The following BBOF1 variants were observed in gnomAD, a reference collection of about 807,000 sequenced individuals.
BBOF1 encodes the protein basal body orientation factor 1, also known as basal body-orientation factor 1.
In BBOF1, 62 loss-of-function variants were observed where a neutral mutation model predicts 68.0. The observed-to-expected ratio is 0.91, with a 90% CI of 0.74 to 1.13. BBOF1 has a LOEUF of 1.13. Ranked by LOEUF, BBOF1 falls within the 50% of genes most tolerant of loss-of-function variation. The probability of loss-of-function intolerance (pLI) is 0.00; values close to 1 mark genes in which losing one functional copy is unlikely to be tolerated. For synonymous variants in BBOF1, 208 were observed against 198.8 expected, an observed-to-expected ratio of 1.05 and a Z score of -0.39; for missense variants, 534 against 600.1, an observed-to-expected ratio of 0.89 and a Z score of 1.15.
At position 74,019,546 on chromosome 14, in the gene BBOF1, C is replaced by G; in HGVS notation, c.56+12C>G. ...GGCAAAGACACGAAGTAAGGAGAAGCCACCCGAGAGTCCCCTCTCCCTGGG... is the reference window on the plus strand; with the variant it reads ...GGCAAAGACACGAAGTAAGGAGAAGGCACCCGAGAGTCCCCTCTCCCTGGG... On this transcript the variant is annotated intron_variant, in intron 1 of 11. Transcript: ENST00000394009. 6.3e-7 allele frequency: 1 copy of G among 1,588,622 alleles called. No homozygotes were observed. Among genetic ancestry groups the G allele is most frequent in the Non-Finnish European group, 8.6e-7 (1 of 1,167,764 alleles).
downstream of BBOF1, chr14:74,068,848 A>G: frequency 6.2e-7 from 1 of 1,613,848 alleles, no homozygotes; most frequent in Non-Finnish European, 8.5e-7. Context: ...GAAAAAAGGA[A>G]TAAGAAGTCA....
rs112520921 is a variant in BBOF1, at chr14:74,079,429, G to GT, written n.1536+1091dup. On this transcript the variant is annotated intron_variant and non_coding_transcript_variant, in intron 10 of 12. Coordinates refer to the BBOF1 transcript ENST00000492026. ...ACCCGGCTAATTTTTTTTTCTTATT[G>GT]TTTTTTTTTTTTTTCTTTTTTTGAG... Among the ~76,000 whole-genome samples, 841 of 135,226 alleles carry GT rather than the reference G, an allele frequency of 6.2e-3. 21 individuals carry two copies. The East Asian group carries it at 0.086, about 14-fold the overall frequency. 88.7% of individuals were successfully genotyped at this position (135,226 alleles called of 152,430 possible).
chr14:74,064,841 G>T lies in BBOF1; in HGVS notation c.*142G>T. ...AGTTACCTGTTTGCCATAGAAATTG[G>T]TGTCTCCCCTGAAGGAGGATCGAGA... is the stretch of plus-strand genomic sequence containing the variant. On this transcript the variant is annotated 3_prime_UTR_variant, in exon 12 of 12. Coordinates refer to ENST00000394009, the MANE Select transcript of BBOF1 (RefSeq NM_025057.3). 2 of 1,614,034 alleles carry T rather than the reference G, an allele frequency of 1.2e-6. No homozygotes were observed.
chr14:74,078,449 G>A (rs1443250092), intron 10 of BBOF1: 4 of 270,568 alleles, frequency 1.5e-5, no homozygotes, highest in South Asian at 3.4e-5. Flanking sequence ...CATCTCCTGG[G>A]CTCAAGCCAT....
chr14:74,078,263 A>G lies in BBOF1; in HGVS notation n.1447A>G, dbSNP rs542586485. On this transcript the variant is annotated non_coding_transcript_exon_variant, in exon 10 of 13. Coordinates refer to the BBOF1 transcript ENST00000492026. The stretch of plus-strand genomic sequence containing the variant: ...TAGCAAACCTACAAAACTGAACTCA[A>G]CCTAATGGAGAAGGTAGCCAGCAAG... The G allele has an allele frequency of 9.4e-5, 43 of 455,980 alleles. No homozygotes were observed. In the East Asian group the frequency reaches 2.2e-3, roughly 24 times the overall value. 28.2% of individuals were successfully genotyped at this position (455,980 alleles called of 1,614,324 possible). A position where few individuals can be genotyped will look rare whatever the true frequency, so the allele number is the denominator to read the frequency against.
At chr14:74,044,572 C>T (rs2059906496) in intron 5 of BBOF1, among the ~76,000 whole-genome samples, 1 of 151,436 alleles carries the variant, frequency 6.6e-6, no homozygotes, top group African/African-American at 2.4e-5. Context: ...ATACAATCCT[C>T]CTGGCTCAGT....
At chr14:74,033,916 G>A (rs2059638154) in intron 3 of BBOF1, 112 bp from the exon 4 acceptor site, 1 of 542,834 alleles carries the variant, frequency 1.8e-6, no homozygotes, top group Admixed American at 3.9e-5. Context: ...AGAAAAAAGG[G>A]GGGATATTTC....
intron 3 of BBOF1, among the ~76,000 whole-genome samples, chr14:74,031,596 T>C (rs1205494322): frequency 6.6e-6 from 1 of 152,148 alleles, no homozygotes; most frequent in Non-Finnish European, 1.5e-5. Context: ...GTTGAGTTCT[T>C]GGTGGAGGCC....
At chr14:74,072,167 G>A in intron 9 of BBOF1, 1 of 1,614,010 alleles carries the variant, frequency 6.2e-7, no homozygotes, top group South Asian at 1.1e-5. Context: ...TGCCCTAGGT[G>A]ACAGTTTGGA....
At chr14:74,048,202 C>T in intron 7 of BBOF1, 128 bp downstream of exon 7, 1 of 813,712 alleles carries the variant, frequency 1.2e-6, no homozygotes, top group South Asian at 2.2e-5. Context: ...CTGGATGATG[C>T]ACTTTTTTTA....
At chr14:74,047,844 G>A in intron 6 of BBOF1, 86 bp from the exon 7 acceptor site, 1 of 1,151,098 alleles carries the variant, frequency 8.7e-7, no homozygotes, top group Non-Finnish European at 1.2e-6. Flanking sequence ...ATAATATTGG[G>A]GGTGCAGGTG....
At position 74,060,646 on chromosome 14, in the gene BBOF1, C is replaced by T. The variant is rs183066442; in HGVS notation, c.1578+3388C>T. ...CAGTCTTAAACAAACTTGTTTCTAA[C>T]GGCCCATGGTAGGCATGACAACAGC... On this transcript the variant is annotated intron_variant, in intron 11 of 11. Coordinates refer to ENST00000394009, the MANE Select transcript of BBOF1 (RefSeq NM_025057.3). The T allele has an allele frequency of 6.1e-4, 986 of 1,606,506 alleles. 13 individuals carry two copies. In the Admixed American group the frequency reaches 0.015, roughly 25 times the overall value.
chr14:74,069,931 A>C (rs1297716859), downstream of BBOF1, among the ~76,000 whole-genome samples: 2 of 143,876 alleles, frequency 1.4e-5, no homozygotes, highest in Non-Finnish European at 3.0e-5. Context: ...GGCTCACTGC[A>C]ACCTCTGTTT....
chr14:74,053,370 C>T (rs946035433), intron 8 of BBOF1, among the ~76,000 whole-genome samples: 3 of 151,880 alleles, frequency 2.0e-5, no homozygotes, highest in Admixed American at 6.6e-5. Context: ...CTCGGCCTCC[C>T]AAAGTGCTGG....
chr14:74,024,758 G>A (rs2059387436), intron 2 of BBOF1, among the ~76,000 whole-genome samples: 1 of 151,594 alleles, frequency 6.6e-6, no homozygotes, highest in Non-Finnish European at 1.5e-5. Flanking sequence ...GAGCCACCAT[G>A]CCTGGCTGAT....
chr14:74,043,684 C>T (rs1488063252), intron 5 of BBOF1, among the ~76,000 whole-genome samples: 1 of 150,452 alleles, frequency 6.6e-6, no homozygotes, highest in Non-Finnish European at 1.5e-5. Flanking sequence ...CCTGCCTCAG[C>T]CTCCTGAGTA....
At chr14:74,041,679 C>G (rs894576659) in intron 5 of BBOF1, among the ~76,000 whole-genome samples, 9 of 152,116 alleles carry the variant, frequency 5.9e-5, no homozygotes, top group Admixed American at 3.3e-4. Context: ...CCTCAGCCTC[C>G]TAAGTAGTTG....
At chr14:74,042,453 G>A (rs993875293) in intron 5 of BBOF1, among the ~76,000 whole-genome samples, 5 of 152,296 alleles carry the variant, frequency 3.3e-5, no homozygotes, top group Non-Finnish European at 7.4e-5. Context: ...CAGTGCTTAT[G>A]TAAATAGGAT....
chr14:74,037,479 A>G (rs1310331613), intron 4 of BBOF1, among the ~76,000 whole-genome samples: 2 of 135,018 alleles, frequency 1.5e-5, no homozygotes, highest in African/African-American at 2.8e-5. Context: ...TTTTTTTGAG[A>G]TGGGGTTTCA....
Sources: allele counts gnomAD v4.1 joint callset (sites outside exome capture counted in the v4.1 genomes callset), GRCh38; gene constraint gnomAD v4.1.1; transcripts MANE v1.5; gene names NCBI Gene and HGNC (gene_info 2026-07-23, HGNC 2026-07-21).